The following SPACA7 variants were observed in gnomAD, a reference collection of about 807,000 sequenced individuals.
SPACA7 encodes sperm acrosome associated 7, also known as sperm acrosome-associated protein 7.
Under a neutral mutation model 26.3 loss-of-function variants are expected in SPACA7, and 19 were observed. The observed-to-expected ratio is 0.72, with a 90% CI of 0.50 to 1.06. The LOEUF is 1.06. Ranked by LOEUF, SPACA7 falls within the 50% of genes least tolerant of loss-of-function variation. The pLI is 0.00. For synonymous variants in SPACA7, 84 were observed against 84.5 expected (o/e 0.99, Z 0.04); for missense variants, 211 against 229.9 (o/e 0.92, Z 0.53).
At chr13:112,426,006 T>G (rs139870590) in intron 5 of SPACA7, among the ~76,000 whole-genome samples, 5 of 152,338 alleles carry the variant, frequency 3.3e-5, no homozygotes, top group Non-Finnish European at 4.4e-5. Flanking sequence ...CACTACTGGT[T>G]CCCTAGGGCT....
At chr13:112,426,838 G>A (rs551920734) in intron 5 of SPACA7, among the ~76,000 whole-genome samples, 2 of 152,062 alleles carry the variant, frequency 1.3e-5, no homozygotes, top group Non-Finnish European at 2.9e-5. Flanking sequence ...CCTGGGAATC[G>A]TTTGTTCTTC....
chr13:112,383,193 GA>G (rs1302175936), intron 1 of SPACA7, among the ~76,000 whole-genome samples: 3 of 134,882 alleles, frequency 2.2e-5, no homozygotes, highest in African/African-American at 6.0e-5. Context: ...AAGAAAGAAA[GA>G]AAAGAAAGAA....
intron 5 of SPACA7, among the ~76,000 whole-genome samples, chr13:112,417,648 T>G (rs1390655250): frequency 6.6e-6 from 1 of 152,202 alleles, no homozygotes; most frequent in Non-Finnish European, 1.5e-5. Flanking sequence ...AATTCACATG[T>G]GCTTTTTAAG....
At chr13:112,403,736 G>C (rs1337118676) in intron 5 of SPACA7, among the ~76,000 whole-genome samples, 1 of 152,118 alleles carries the variant, frequency 6.6e-6, no homozygotes, top group East Asian at 1.9e-4. Context: ...CATCCAGGTT[G>C]CTATGAATGC....
intron 5 of SPACA7, among the ~76,000 whole-genome samples, chr13:112,413,707 A>C (rs1211354564): frequency 6.6e-6 from 1 of 152,156 alleles, no homozygotes; most frequent in Admixed American, 6.5e-5. Context: ...CCTTAAGGCC[A>C]TGACTCCATA....
chr13:112,387,188 A>C (rs1884581239), intron 1 of SPACA7, among the ~76,000 whole-genome samples: 1 of 152,250 alleles, frequency 6.6e-6, no homozygotes, highest in African/African-American at 2.4e-5. Flanking sequence ...GCTTAAGAAA[A>C]TGTTTAGGGC....
At chr13:112,431,493 A>T (rs1225655542) in intron 5 of SPACA7, among the ~76,000 whole-genome samples, 1 of 152,152 alleles carries the variant, frequency 6.6e-6, no homozygotes, top group Non-Finnish European at 1.5e-5. Flanking sequence ...ATAATTATTC[A>T]TTTCCTATAA....
intron 1 of SPACA7, among the ~76,000 whole-genome samples, chr13:112,376,785 C>G (rs1432111339): frequency 1.4e-5 from 2 of 147,644 alleles, no homozygotes; most frequent in Non-Finnish European, 3.0e-5. Flanking sequence ...TTGTTTTTTT[C>G]TACACACACA....
intron 5 of SPACA7, among the ~76,000 whole-genome samples, chr13:112,407,418 T>C (rs1886056286): frequency 6.6e-6 from 1 of 151,994 alleles, no homozygotes; most frequent in Non-Finnish European, 1.5e-5. Flanking sequence ...AAAAAATCAG[T>C]GAATCCAGGA....
intron 5 of SPACA7, among the ~76,000 whole-genome samples, chr13:112,412,660 A>T (rs998936111): frequency 1.3e-5 from 2 of 152,140 alleles, no homozygotes; most frequent in African/African-American, 4.8e-5. Context: ...GTCAAGTTTC[A>T]TTCTTCTGCA....
intron 4 of SPACA7, among the ~76,000 whole-genome samples, chr13:112,399,610 A>G (rs9283123): frequency 0.082 from 12,495 of 152,282 alleles, 1,125 homozygotes; most frequent in East Asian, 0.28. Context: ...TGGGAAAAAA[A>G]TCAGTGTGCA....
chr13:112,395,398 T>A (rs1369535404), intron 2 of SPACA7, among the ~76,000 whole-genome samples: 1 of 152,166 alleles, frequency 6.6e-6, no homozygotes, highest in Admixed American at 6.5e-5. Context: ...AGGTCTGACT[T>A]CCTGCAGGTC....
chr13:112,404,978 C>CTTTTTTTTTTT (rs373253878), intron 5 of SPACA7, among the ~76,000 whole-genome samples: 1 of 94,266 alleles, frequency 1.1e-5, no homozygotes, highest in Non-Finnish European at 2.0e-5. Context: ...GTATTCTCTT[C>CTTTTTTTTTTT]TTTTTTTTTT....
intron 5 of SPACA7, among the ~76,000 whole-genome samples, chr13:112,424,662 C>T (rs188232008): frequency 2.0e-5 from 3 of 152,322 alleles, no homozygotes; most frequent in Admixed American, 2.0e-4. Context: ...CTTCCTCTCA[C>T]CTCCTCCTCC....
In SPACA7 at chr13:112,376,438, G is replaced by T. The variant is rs527965970; in HGVS notation, c.53G>T (p.Cys18Phe). The change falls in exon 1 of 7, where the codon TGT becomes TTT. Residue 18 changes from cysteine to phenylalanine, a missense_variant. Physicochemically the swap from Cys to Phe is radical, Grantham distance 205 (BLOSUM62 -2). Transcript: ENST00000283550. ...CTCTGCTTTGTCCTCCTGCTGTGCT[G>T]TTGGCAAGAAACTGAGCTCCGGCCG... is the stretch of plus-strand genomic sequence containing the variant. ...GTLCFVLLLC[C>F]WQETELRPRT... 6.2e-7 allele frequency: 1 copy of T among 1,613,848 alleles called. No individual in the cohort carries two copies. Among genetic ancestry groups the T allele is most frequent in the African/African-American group, 1.3e-5 (1 of 75,056 alleles).
chr13:112,407,761 G>A (rs939630467), intron 5 of SPACA7, among the ~76,000 whole-genome samples: 17 of 152,266 alleles, frequency 1.1e-4, no homozygotes, highest in Admixed American at 7.8e-4. Flanking sequence ...AGGACCAGAC[G>A]GATTCACAGC....
chr13:112,413,279 C>A (rs1278664560), intron 5 of SPACA7, among the ~76,000 whole-genome samples: 1 of 151,968 alleles, frequency 6.6e-6, no homozygotes, highest in South Asian at 2.1e-4. Context: ...GATGTGAATT[C>A]TCTCGGCTTT....
chr13:112,414,928 G>A (rs1222563602), intron 5 of SPACA7, among the ~76,000 whole-genome samples: 1 of 152,100 alleles, frequency 6.6e-6, no homozygotes. Context: ...CATCACATGG[G>A]CTTTGTTTCT....
chr13:112,409,393 C>G (rs1388219543), intron 5 of SPACA7, among the ~76,000 whole-genome samples: 80 of 148,094 alleles, frequency 5.4e-4, no homozygotes, highest in African/African-American at 9.6e-4. Context: ...AGAGCTTCTG[C>G]ACAGCAAAAG....
Sources: gnomAD v4.1 joint callset for allele counts (sites outside exome capture counted in the v4.1 genomes callset) on GRCh38, gnomAD v4.1.1 for gene constraint, MANE v1.5 for transcripts, NCBI Gene and HGNC (gene_info 2026-07-23, HGNC 2026-07-21) for gene names.